QTMAN: variants seen among roughly 807,000 people sequenced by gnomAD.
The protein encoded by QTMAN is tRNA-queuosine alpha-mannosyltransferase.
At chr2:143,980,092 G>A in the QTMAN span, among the ~76,000 whole-genome samples, 8 of 152,074 alleles carry the variant, frequency 5.3e-5, no homozygotes, top group Admixed American at 2.0e-4. Flanking sequence ...ATAGGTTAAC[G>A]TGTTGCCATG....
At chr2:144,088,452 A>T in the QTMAN span, among the ~76,000 whole-genome samples, 1 of 152,134 alleles carries the variant, frequency 6.6e-6, no homozygotes, top group African/African-American at 2.4e-5. Context: ...GTCATTCTTC[A>T]CAGAATTAGA....
chr2:143,993,388 CCT>C, the QTMAN span, among the ~76,000 whole-genome samples: 1 of 151,384 alleles, frequency 6.6e-6, no homozygotes, highest in Non-Finnish European at 1.5e-5. Context: ...ATGAATGTTA[CCT>C]ATTACATGGC....
the QTMAN span, among the ~76,000 whole-genome samples, chr2:143,967,845 G>A: frequency 6.6e-6 from 1 of 152,144 alleles, no homozygotes; most frequent in Non-Finnish European, 1.5e-5. Flanking sequence ...CTAGCTGAGT[G>A]GCCTATTTGT....
At chr2:143,998,363 C>T in the QTMAN span, among the ~76,000 whole-genome samples, 3 of 151,860 alleles carry the variant, frequency 2.0e-5, no homozygotes, top group South Asian at 2.1e-4. Flanking sequence ...TTTTGTTTAA[C>T]CAACAAATGA....
At chr2:144,062,667 T>G in the QTMAN span, among the ~76,000 whole-genome samples, 43 of 152,334 alleles carry the variant, frequency 2.8e-4, no homozygotes, top group Middle Eastern at 0.01. Context: ...GGTATCATTC[T>G]GTCGACTTTA....
At chr2:143,961,705 G>A in the QTMAN span, among the ~76,000 whole-genome samples, 1 of 152,088 alleles carries the variant, frequency 6.6e-6, no homozygotes, top group Non-Finnish European at 1.5e-5. Flanking sequence ...ATGGATAAAT[G>A]ATCTTGCCTT....
chr2:144,124,855 CTT>C, the QTMAN span, among the ~76,000 whole-genome samples: 1 of 152,216 alleles, frequency 6.6e-6, no homozygotes, highest in Middle Eastern at 3.4e-3. Flanking sequence ...AAGGTTATAT[CTT>C]TTTATCTCTA....
the QTMAN span, among the ~76,000 whole-genome samples, chr2:144,319,533 C>T: frequency 1.3e-5 from 2 of 151,986 alleles, no homozygotes; most frequent in African/African-American, 4.8e-5. Flanking sequence ...ACCACACCAA[C>T]CAATACCACC....
the QTMAN span, among the ~76,000 whole-genome samples, chr2:144,274,912 T>C: frequency 3.3e-5 from 5 of 152,068 alleles, no homozygotes; most frequent in African/African-American, 1.2e-4. Flanking sequence ...GGAGCAGTAC[T>C]GCGGGACTGA....
At chr2:143,960,591 A>C in the QTMAN span, among the ~76,000 whole-genome samples, 1 of 152,118 alleles carries the variant, frequency 6.6e-6, no homozygotes, top group Non-Finnish European at 1.5e-5. Flanking sequence ...AAAGACCTAA[A>C]GATAAACTCA....
chr2:144,033,712 G>A, the QTMAN span, among the ~76,000 whole-genome samples: 4 of 152,080 alleles, frequency 2.6e-5, no homozygotes, highest in Admixed American at 6.5e-5. Flanking sequence ...TTGGTCCCTC[G>A]GTCAACCAGC....
At chr2:144,099,395 T>G in the QTMAN span, among the ~76,000 whole-genome samples, 1 of 151,768 alleles carries the variant, frequency 6.6e-6, no homozygotes, top group African/African-American at 2.4e-5. Context: ...AGGAAGAGAG[T>G]TGGAAAACAA....
the QTMAN span, among the ~76,000 whole-genome samples, chr2:144,314,846 T>C: frequency 6.6e-6 from 1 of 152,240 alleles, no homozygotes; most frequent in African/African-American, 2.4e-5. Flanking sequence ...GTTCACTTTA[T>C]TGGACATAAA....
the QTMAN span, among the ~76,000 whole-genome samples, chr2:144,123,460 T>C: frequency 2.5e-3 from 378 of 152,230 alleles, 5 homozygotes; most frequent in Admixed American, 0.023. Flanking sequence ...AACTTGAGTA[T>C]CTATTCCTGA....
the QTMAN span, among the ~76,000 whole-genome samples, chr2:144,221,535 G>C: frequency 4.6e-5 from 7 of 152,174 alleles, no homozygotes; most frequent in Non-Finnish European, 1.0e-4. Context: ...ATGATCATTT[G>C]AGGTAAAACT....
chr2:144,220,775 GA>G, the QTMAN span, among the ~76,000 whole-genome samples: 1 of 152,114 alleles, frequency 6.6e-6, no homozygotes, highest in Non-Finnish European at 1.5e-5. Flanking sequence ...AATTATTTTA[GA>G]GAGAATTTAT....
the QTMAN span, among the ~76,000 whole-genome samples, chr2:144,169,691 T>C: frequency 6.6e-6 from 1 of 152,134 alleles, no homozygotes; most frequent in African/African-American, 2.4e-5. Context: ...AGTTATATTG[T>C]GTATGTACAT....
the QTMAN span, among the ~76,000 whole-genome samples, chr2:144,285,700 T>G: frequency 2.6e-5 from 4 of 152,162 alleles, no homozygotes; most frequent in African/African-American, 4.8e-5. Context: ...TGAAGGAGCT[T>G]TACATTAATC....
chr2:144,140,468 G>C, the QTMAN span, among the ~76,000 whole-genome samples: 4 of 151,866 alleles, frequency 2.6e-5, no homozygotes, highest in African/African-American at 9.7e-5. Flanking sequence ...GAAAAATTCA[G>C]ATATATAACT....
Sources: allele counts gnomAD v4.1 joint callset (sites outside exome capture counted in the v4.1 genomes callset), GRCh38; gene constraint gnomAD v4.1.1; transcripts MANE v1.5; gene names NCBI Gene and HGNC (gene_info 2026-07-23, HGNC 2026-07-21).